The following DLC1 variants were observed in gnomAD, a reference collection of about 807,000 sequenced individuals.
The protein encoded by DLC1 is rho GTPase-activating protein 7.
A neutral mutation model predicts 140.3 loss-of-function variants in DLC1; 54 were observed. The observed-to-expected ratio is 0.38, with a 90% CI of 0.31 to 0.48. DLC1 has a LOEUF of 0.48. Among genes scored for constraint, DLC1 ranks in the 20% least tolerant of loss-of-function variants. The probability of loss-of-function intolerance (pLI) is 0.96; values close to 1 mark genes in which losing one functional copy is unlikely to be tolerated. For synonymous variants in DLC1, 986 were observed against 728.1 expected, an observed-to-expected ratio of 1.35 and a Z score of -5.70; for missense variants, 2,536 against 1,907.0, an observed-to-expected ratio of 1.33 and a Z score of -6.14.
chr8:13,396,200 C>A (rs1187010501), intron 3 of DLC1, among the ~76,000 whole-genome samples: 1 of 151,734 alleles, frequency 6.6e-6, no homozygotes, highest in African/African-American at 2.4e-5. Flanking sequence ...GCTGGGATTA[C>A]AGGCGCCCAC....
intron 5 of DLC1, chr8:13,160,035 A>G (rs2128983835): frequency 6.6e-6 from 1 of 152,358 alleles, no homozygotes; most frequent in Non-Finnish European, 1.5e-5. Context: ...GCACACGCCT[A>G]TAATCGCAAC....
chr8:13,379,360 A>G (rs1241977550), intron 4 of DLC1, among the ~76,000 whole-genome samples: 1 of 152,206 alleles, frequency 6.6e-6, no homozygotes, highest in Non-Finnish European at 1.5e-5. Flanking sequence ...GTAAGTTGAA[A>G]AAAAATCTTA....
intron 2 of DLC1, among the ~76,000 whole-genome samples, chr8:13,427,423 G>T (rs1344396552): frequency 6.6e-6 from 1 of 152,120 alleles, no homozygotes; most frequent in South Asian, 2.1e-4. Flanking sequence ...TCATTCTAGT[G>T]AGAGCCATAT....
chr8:13,432,062 A>G (rs1023296613), intron 2 of DLC1, among the ~76,000 whole-genome samples: 2 of 152,188 alleles, frequency 1.3e-5, no homozygotes, highest in African/African-American at 4.8e-5. Flanking sequence ...GAAAATATCT[A>G]TTTATTGGAA....
intron 5 of DLC1, among the ~76,000 whole-genome samples, chr8:13,202,169 C>T (rs774525562): frequency 1.3e-5 from 2 of 152,044 alleles, no homozygotes; most frequent in Admixed American, 6.6e-5. Context: ...TGGTCTTGAT[C>T]TCTTGACCTC....
chr8:13,326,203 A>G (rs1833341205), intron 4 of DLC1, among the ~76,000 whole-genome samples: 1 of 152,224 alleles, frequency 6.6e-6, no homozygotes, highest in African/African-American at 2.4e-5. Context: ...AAAATTATGA[A>G]AAATGAGATC....
intron 5 of DLC1, among the ~76,000 whole-genome samples, chr8:13,143,722 T>C (rs916326925): frequency 3.3e-5 from 5 of 151,970 alleles, no homozygotes; most frequent in African/African-American, 1.2e-4. Flanking sequence ...TCAGTGACTT[T>C]TTCTTGGGAT....
intron 4 of DLC1, among the ~76,000 whole-genome samples, chr8:13,333,637 A>G (rs1257935843): frequency 6.6e-6 from 1 of 152,064 alleles, no homozygotes; most frequent in Non-Finnish European, 1.5e-5. Context: ...TAACAGAACT[A>G]CCCTTCATGT....
At chr8:13,162,784 C>G (rs574894371) in intron 5 of DLC1, among the ~76,000 whole-genome samples, 84 of 152,258 alleles carry the variant, frequency 5.5e-4, no homozygotes, top group African/African-American at 2.0e-3. Flanking sequence ...TACGCCTCCC[C>G]AGCCCCCTCA....
chr8:13,170,613 C>T (rs1825402122), intron 5 of DLC1, among the ~76,000 whole-genome samples: 2 of 151,658 alleles, frequency 1.3e-5, no homozygotes, highest in South Asian at 4.2e-4. Context: ...ACCTGTAGTC[C>T]CAGCTAGTCG....
intron 5 of DLC1, among the ~76,000 whole-genome samples, chr8:13,223,100 T>G (rs969751281): frequency 6.6e-6 from 1 of 152,168 alleles, no homozygotes; most frequent in African/African-American, 2.4e-5. Flanking sequence ...GTTATGTGAC[T>G]TCCTGCAATC....
In DLC1 at chr8:13,268,002, A is replaced by G. The variant is rs78835505; in HGVS notation, c.1348+37267T>C. ...TGGCTGAAATTCTGTGGAATCAACA[A>G]TGACTTAGGACAATGTGTTTCAGTT... On this transcript the variant is annotated intron_variant, in intron 5 of 17. Coordinates refer to ENST00000276297, the MANE Select transcript of DLC1 (RefSeq NM_182643.3). Among the ~76,000 whole-genome samples, 535 of 152,318 alleles carry G rather than the reference A, an allele frequency of 3.5e-3. 5 individuals carry two copies. Among genetic ancestry groups the G allele is most frequent in the East Asian group, 0.015 (80 of 5,182 alleles).
intron 5 of DLC1, among the ~76,000 whole-genome samples, chr8:13,139,288 C>CAAAAAAAAAAAAAAAAAAAAAAAAA: frequency 2.0e-5 from 1 of 49,286 alleles, no homozygotes; most frequent in Non-Finnish European, 3.7e-5. Flanking sequence ...GACCCTGTCT[C>CAAAAAAAAAAAAAAAAAAAAAAAAA]AAAAAAAAAA....
intron 4 of DLC1, among the ~76,000 whole-genome samples, chr8:13,392,753 T>A (rs987493224): frequency 7.2e-5 from 11 of 151,774 alleles, no homozygotes; most frequent in Non-Finnish European, 1.3e-4. Context: ...GGAAAATGTC[T>A]TTTATTCACA....
intron 4 of DLC1, among the ~76,000 whole-genome samples, chr8:13,347,509 C>T (rs1490204936): frequency 6.6e-6 from 1 of 152,138 alleles, no homozygotes; most frequent in Non-Finnish European, 1.5e-5. Flanking sequence ...CTCTCCTCTG[C>T]CACATACAGC....
rs550603436 is a variant in DLC1 at position 13,212,254 on chromosome 8, C to A, written c.1348+93015G>T. ...CCAGCCACGATGGCCTTCTCAGCTT[C>A]CAGAATTCCCTCTGCCCTGTCTATA... On this transcript the variant is annotated intron_variant, in intron 5 of 17. Transcript: ENST00000276297. Among the ~76,000 whole-genome samples the A allele has an allele frequency of 3.9e-5, 6 of 152,306 alleles. No individual in the cohort carries two copies. The South Asian group carries it at 1.2e-3, about 32-fold the overall frequency.
chr8:13,359,988 G>C (rs1040284144), intron 4 of DLC1, among the ~76,000 whole-genome samples: 1 of 152,150 alleles, frequency 6.6e-6, no homozygotes, highest in Non-Finnish European at 1.5e-5. Flanking sequence ...CTACTCCATC[G>C]ACATTTTAAA....
At chr8:13,258,677 A>G (rs936135239) in intron 5 of DLC1, among the ~76,000 whole-genome samples, 1 of 152,222 alleles carries the variant, frequency 6.6e-6, no homozygotes. Context: ...TCAAAGTATC[A>G]ATGGCCTATG....
rs372876445 is a variant in DLC1 at position 13,413,693 on chromosome 8, G to T, written c.1024-12074C>A. On this transcript the variant is annotated intron_variant, in intron 2 of 17. Transcript: ENST00000276297. ...GCTTGACTTCTCACACGATCTGATG[G>T]TTTTAAACGTGGTGTTTTCCCCTGC... Among the ~76,000 whole-genome samples the T allele has an allele frequency of 2.6e-5, 4 of 152,092 alleles. No individual in the cohort carries two copies. In the East Asian group the frequency reaches 7.8e-4, roughly 30 times the overall value.
Sources: allele counts gnomAD v4.1 joint callset (sites outside exome capture counted in the v4.1 genomes callset), GRCh38; gene constraint gnomAD v4.1.1; transcripts MANE v1.5; gene names NCBI Gene and HGNC (gene_info 2026-07-23, HGNC 2026-07-21).